The following RHOJ variants were observed in gnomAD, a reference collection of about 807,000 sequenced individuals.
RHOJ encodes ras homolog family member J, also known as rho-related GTP-binding protein RhoJ.
Under a neutral mutation model 23.4 loss-of-function variants are expected in RHOJ, and 11 were observed. That is an observed-to-expected ratio of 0.47 (90% CI 0.30 to 0.78). The LOEUF (loss-of-function observed/expected upper bound fraction) is 0.78. RHOJ is among the 30% of genes least tolerant of loss of function. RHOJ has a pLI of 0.08. For missense variants in RHOJ, 254 were observed against 273.4 expected (o/e 0.93, Z 0.50); for synonymous variants, 102 against 102.7 (o/e 0.99, Z 0.04).
chr14:63,291,423 T>C lies in RHOJ; in HGVS notation c.*399T>C, dbSNP rs17100992. ...TGCTGGCCTTACTTGATGTCTTTTA[T>C]AAAACTTGGGACTACAATACTAACC... is the stretch of plus-strand genomic sequence containing the variant. On this transcript the variant is annotated 3_prime_UTR_variant, in exon 5 of 5. Transcript: ENST00000316754. 0.026 allele frequency: 7,192 copies of C among 280,048 alleles called. 502 individuals are homozygous for C. Among genetic ancestry groups the C allele is most frequent in the African/African-American group, 0.15 (6,725 of 44,532 alleles). The allele number at this position is 280,048 out of a possible 1,614,324, so 17.3% of individuals were successfully genotyped here. A position where few individuals can be genotyped will look rare whatever the true frequency, so the allele number is the denominator to read the frequency against.
chr14:63,273,357 G>A (rs1895505645), intron 2 of RHOJ, among the ~76,000 whole-genome samples: 1 of 152,206 alleles, frequency 6.6e-6, no homozygotes, highest in Non-Finnish European at 1.5e-5. Context: ...CATATCCCTA[G>A]TAGTGTGTTA....
intron 1 of RHOJ, among the ~76,000 whole-genome samples, chr14:63,245,150 A>G (rs1467934761): frequency 4.6e-5 from 7 of 152,370 alleles, no homozygotes; most frequent in Admixed American, 2.0e-4. Flanking sequence ...AAGTGTTTCC[A>G]TCTTGTTCTA....
At chr14:63,233,792 C>A (rs1237593695) in intron 1 of RHOJ, among the ~76,000 whole-genome samples, 3 of 152,186 alleles carry the variant, frequency 2.0e-5, no homozygotes, top group Non-Finnish European at 2.9e-5. Context: ...GGGACTCATT[C>A]TCCATATTAC....
Position 63,241,713 on chromosome 14 carries a change from G to T in RHOJ, c.179-27397G>T, listed in dbSNP as rs1894887072. Reference sequence around the variant, plus strand: ...GGGAAGTCAGCCTAAGGCCTGCAGGGTATCTGAAGGCGCAAAGCCCCATCG... The same window carrying T: ...GGGAAGTCAGCCTAAGGCCTGCAGGTTATCTGAAGGCGCAAAGCCCCATCG... On this transcript the variant is annotated intron_variant, in intron 1 of 4. Coordinates refer to ENST00000316754, the MANE Select transcript of RHOJ (RefSeq NM_020663.5). 3.3e-5 allele frequency among the ~76,000 whole-genome samples: 5 copies of T among 152,278 alleles called. No individual in the cohort carries two copies. The South Asian group carries it at 1.0e-3, about 32-fold the overall frequency.
intron 1 of RHOJ, among the ~76,000 whole-genome samples, chr14:63,225,607 T>C (rs1894578808): frequency 6.6e-6 from 1 of 151,496 alleles, no homozygotes; most frequent in African/African-American, 2.4e-5. Context: ...AAAAGAAAAA[T>C]GGGAAACAAA....
chr14:63,266,480 T>C (rs943035792), intron 1 of RHOJ, among the ~76,000 whole-genome samples: 1 of 152,216 alleles, frequency 6.6e-6, no homozygotes, highest in Non-Finnish European at 1.5e-5. Context: ...TGGTTTACAG[T>C]AGTTTGATAG....
At position 63,291,120 on chromosome 14, in the gene RHOJ, A is replaced by G; in HGVS notation, c.*96A>G. The G allele has an allele frequency of 7.1e-7, 1 of 1,416,576 alleles. No homozygotes were observed. Among genetic ancestry groups the G allele is most frequent in the Non-Finnish European group, 9.9e-7 (1 of 1,011,850 alleles). The allele number at this position is 1,416,576 out of a possible 1,614,324, so 87.8% of individuals were successfully genotyped here. On this transcript the variant is annotated 3_prime_UTR_variant, in exon 5 of 5. Coordinates refer to ENST00000316754, the MANE Select transcript of RHOJ (RefSeq NM_020663.5). ...GCCAAAAAGGAGGGCACGACCAGAA[A>G]GGAACTCCCTTTGCACGGAGGCTTG...
Position 63,205,101 on chromosome 14 carries a change from A to T in RHOJ, c.178+54A>T. 1.9e-6 allele frequency: 3 copies of T among 1,566,332 alleles called. No homozygotes were observed. In the South Asian group the frequency reaches 3.6e-5, roughly 19 times the overall value. On this transcript the variant is annotated intron_variant, in intron 1 of 4. Coordinates refer to ENST00000316754, the MANE Select transcript of RHOJ (RefSeq NM_020663.5). ...CCAGACAAACGATGCAGGGGGCGAGACCCTAAGTTCAGAGGGGCCTGGCTC... is the reference window on the plus strand; with the variant it reads ...CCAGACAAACGATGCAGGGGGCGAGTCCCTAAGTTCAGAGGGGCCTGGCTC...
chr14:63,211,660 A>G (rs148137036), intron 1 of RHOJ, among the ~76,000 whole-genome samples: 107 of 152,310 alleles, frequency 7.0e-4, no homozygotes, highest in African/African-American at 1.9e-3. Flanking sequence ...TATACAATAA[A>G]TTATTGTTAA....
intron 2 of RHOJ, among the ~76,000 whole-genome samples, chr14:63,275,651 T>C (rs1023343449): frequency 1.3e-5 from 2 of 152,216 alleles, no homozygotes; most frequent in African/African-American, 4.8e-5. Context: ...CCTCTTTGTC[T>C]ACTTTACCTC....
chr14:63,239,220 T>C (rs886561965), intron 1 of RHOJ, among the ~76,000 whole-genome samples: 1 of 152,194 alleles, frequency 6.6e-6, no homozygotes, highest in African/African-American at 2.4e-5. Context: ...CAAGCGATTC[T>C]CCTGCTTCAG....
chr14:63,209,538 G>A (rs1006338974), intron 1 of RHOJ, among the ~76,000 whole-genome samples: 3 of 152,138 alleles, frequency 2.0e-5, no homozygotes, highest in African/African-American at 7.2e-5. Flanking sequence ...ATGCATGTGT[G>A]CTTGCACACA....
intron 1 of RHOJ, among the ~76,000 whole-genome samples, chr14:63,207,467 A>G (rs150883379): frequency 1.3e-5 from 2 of 152,354 alleles, no homozygotes; most frequent in African/African-American, 4.8e-5. Context: ...AATCAATTGT[A>G]AAAAACTAAA....
intron 1 of RHOJ, among the ~76,000 whole-genome samples, chr14:63,207,337 G>A (rs1894135469): frequency 6.6e-6 from 1 of 152,108 alleles, no homozygotes; most frequent in South Asian, 2.1e-4. Context: ...ACCAGAAGTG[G>A]TCATTTCTAT....
chr14:63,291,156 C>T lies in RHOJ; in HGVS notation c.*132C>T. On this transcript the variant is annotated 3_prime_UTR_variant, in exon 5 of 5. Transcript: ENST00000316754. ...TTGCACGGAGGCTTGCCCCATCACCCTCTGAGCCCTCCCAACACAGCACAC... is the reference window on the plus strand; with the variant it reads ...TTGCACGGAGGCTTGCCCCATCACCTTCTGAGCCCTCCCAACACAGCACAC... 2 of 1,007,854 alleles carry T rather than the reference C, an allele frequency of 2.0e-6. No individual in the cohort carries two copies. The highest frequency in any genetic ancestry group is 3.0e-6 in the Non-Finnish European group (2 of 658,704). 62.4% of individuals were successfully genotyped at this position (1,007,854 alleles called of 1,614,324 possible).
At position 63,245,029 on chromosome 14, in the gene RHOJ, G is replaced by A. The variant is rs183131268; in HGVS notation, c.179-24081G>A. Among the ~76,000 whole-genome samples the A allele has an allele frequency of 4.3e-4, 65 of 152,294 alleles. 1 individual carries two copies. The highest frequency in any genetic ancestry group is 7.7e-4 in the East Asian group (4 of 5,186). Reference sequence around the variant, plus strand: ...TTACACACAGTGTCCAGGGCTTGCTGGCTATATGACCCTCTCTGCATATCA... The same window carrying A: ...TTACACACAGTGTCCAGGGCTTGCTAGCTATATGACCCTCTCTGCATATCA... On this transcript the variant is annotated intron_variant, in intron 1 of 4. Transcript: ENST00000316754.
chr14:63,265,157 G>A (rs1006315146), intron 1 of RHOJ, among the ~76,000 whole-genome samples: 1 of 152,130 alleles, frequency 6.6e-6, no homozygotes, highest in Non-Finnish European at 1.5e-5. Context: ...CTGATAGTTT[G>A]AGGTCTTATA....
chr14:63,258,247 A>AG (rs35071709), intron 1 of RHOJ, among the ~76,000 whole-genome samples: 3,300 of 150,468 alleles, frequency 0.022, 132 homozygotes, highest in African/African-American at 0.078. Flanking sequence ...AAAAAAAAAA[A>AG]AGGGCTATCA....
intron 4 of RHOJ, among the ~76,000 whole-genome samples, chr14:63,284,112 T>TTAGA (rs1463147064): frequency 1.3e-5 from 2 of 152,162 alleles, no homozygotes; most frequent in African/African-American, 4.8e-5. Flanking sequence ...GCAGGCAGAG[T>TTAGA]TAGAAGTCAC....
Sources: allele counts gnomAD v4.1 joint callset (sites outside exome capture counted in the v4.1 genomes callset), GRCh38; gene constraint gnomAD v4.1.1; transcripts MANE v1.5; gene names NCBI Gene and HGNC (gene_info 2026-07-23, HGNC 2026-07-21).